XRCC4: variants seen among roughly 807,000 people sequenced by gnomAD.
XRCC4 encodes X-ray repair cross complementing 4.
A neutral mutation model predicts 39.1 loss-of-function variants in XRCC4; 28 were observed. That is an observed-to-expected ratio of 0.72 (90% CI 0.53 to 0.98). XRCC4 has a LOEUF of 0.98. Among genes scored for constraint, XRCC4 ranks in the 50% least tolerant of loss-of-function variants. XRCC4 has a pLI of 0.00. For synonymous variants in XRCC4, 123 were observed against 126.4 expected (o/e 0.97, Z 0.18); for missense variants, 350 against 376.4 (o/e 0.93, Z 0.58).
At chr5:83,262,758 TA>T (rs1212942220) in intron 7 of XRCC4, among the ~76,000 whole-genome samples, 10 of 151,614 alleles carry the variant, frequency 6.6e-5, no homozygotes, top group African/African-American at 2.4e-4. Context: ...TTCAAGTGAA[TA>T]CTGGATGCCA....
chr5:83,113,623 CTTT>C (rs200720410), intron 3 of XRCC4, among the ~76,000 whole-genome samples: 4 of 144,062 alleles, frequency 2.8e-5, no homozygotes. Context: ...ACATTTCTTT[CTTT>C]TTTTTTTTTT....
At chr5:83,240,408 G>A (rs1156665853) in intron 6 of XRCC4, among the ~76,000 whole-genome samples, 1 of 152,110 alleles carries the variant, frequency 6.6e-6, no homozygotes, top group Non-Finnish European at 1.5e-5. Context: ...GCGATGACCT[G>A]AACTAAAACA....
chr5:83,321,050 C>T (rs1756055591), intron 7 of XRCC4, among the ~76,000 whole-genome samples: 1 of 152,070 alleles, frequency 6.6e-6, no homozygotes, highest in African/African-American at 2.4e-5. Flanking sequence ...ACCCTGTGAT[C>T]TGCCCGCCTC....
At chr5:83,194,177 C>T (rs1750838254) in intron 3 of XRCC4, among the ~76,000 whole-genome samples, 1 of 152,196 alleles carries the variant, frequency 6.6e-6, no homozygotes, top group Non-Finnish European at 1.5e-5. Flanking sequence ...CTCCTGACCT[C>T]AGATGAACTC....
At position 83,096,009 on chromosome 5, in the gene XRCC4, A is replaced by G. The variant is rs561922698; in HGVS notation, c.-10-8901A>G. Among the ~76,000 whole-genome samples the G allele has an allele frequency of 8.6e-4, 130 of 151,714 alleles. No individual in the cohort carries two copies. In the Middle Eastern group the frequency reaches 0.01, roughly 12 times the overall value. On this transcript the variant is annotated intron_variant, in intron 1 of 7. Coordinates refer to ENST00000396027, the MANE Select transcript of XRCC4 (RefSeq NM_003401.5). Reference sequence around the variant, plus strand: ...TACACGAATCCCAGAAGTTCTTTGCATAGGTGGGATAGTTCCCTTACTGTG... The same window carrying G: ...TACACGAATCCCAGAAGTTCTTTGCGTAGGTGGGATAGTTCCCTTACTGTG...
At chr5:83,325,485 T>C (rs1009856698) in intron 7 of XRCC4, among the ~76,000 whole-genome samples, 2 of 151,898 alleles carry the variant, frequency 1.3e-5, no homozygotes, top group African/African-American at 4.8e-5. Flanking sequence ...ACAGGCCCCA[T>C]TGTGTGTGTT....
intron 7 of XRCC4, among the ~76,000 whole-genome samples, chr5:83,345,413 T>C (rs1756889262): frequency 6.6e-6 from 1 of 152,166 alleles, no homozygotes; most frequent in South Asian, 2.1e-4. Flanking sequence ...AAAAATTGAA[T>C]TGTATATGTG....
rs547434047 is a variant in XRCC4, at chr5:83,133,331, G to T, written c.315+22128G>T. On this transcript the variant is annotated intron_variant, in intron 3 of 7. Coordinates refer to ENST00000396027, the MANE Select transcript of XRCC4 (RefSeq NM_003401.5). ...GGTGCCTCCCAGTTAGGCTACTCGGGCGTCAGGGACCCACTTGAGGAGGCA... is the reference window on the plus strand; with the variant it reads ...GGTGCCTCCCAGTTAGGCTACTCGGTCGTCAGGGACCCACTTGAGGAGGCA... Among the ~76,000 whole-genome samples the T allele has an allele frequency of 2.6e-5, 4 of 152,290 alleles. No homozygotes were observed. In the South Asian group the frequency reaches 8.3e-4, roughly 32 times the overall value.
the XRCC4 span, among the ~76,000 whole-genome samples, chr5:83,373,713 A>T: frequency 2.0e-5 from 3 of 151,954 alleles, no homozygotes; most frequent in South Asian, 2.1e-4. Flanking sequence ...CTTTTTCTCT[A>T]TTTTTTTTAA....
intron 7 of XRCC4, among the ~76,000 whole-genome samples, chr5:83,302,004 C>T (rs1221299764): frequency 4.0e-5 from 6 of 151,874 alleles, no homozygotes; most frequent in African/African-American, 1.5e-4. Context: ...CTTTGTTTAC[C>T]CTGTGAGGGG....
intron 6 of XRCC4, among the ~76,000 whole-genome samples, chr5:83,247,345 G>T (rs11960296): frequency 0.016 from 2,434 of 152,134 alleles, 62 homozygotes; most frequent in African/African-American, 0.055. Flanking sequence ...GAACTGGGCC[G>T]CACAGCAGTC....
intron 3 of XRCC4, among the ~76,000 whole-genome samples, chr5:83,157,734 A>T (rs1580306603): frequency 6.6e-6 from 1 of 152,104 alleles, no homozygotes; most frequent in Admixed American, 6.6e-5. Flanking sequence ...TCCAGGAAGT[A>T]AAATTAAAAT....
At chr5:83,192,211 A>G (rs1343836035) in intron 3 of XRCC4, among the ~76,000 whole-genome samples, 1 of 146,344 alleles carries the variant, frequency 6.8e-6, no homozygotes, top group African/African-American at 2.5e-5. Flanking sequence ...CGTATATATT[A>G]TATATGTATA....
chr5:83,266,713 T>C (rs535058632), intron 7 of XRCC4, among the ~76,000 whole-genome samples: 2 of 152,268 alleles, frequency 1.3e-5, no homozygotes, highest in South Asian at 4.1e-4. Flanking sequence ...ACAATAACTT[T>C]GTTTCTAAAC....
rs550773308 is a variant in XRCC4, at chr5:83,104,999, C to T, written c.80C>T (p.Thr27Ile). ...TTTCTACAAGTATCTTGGGAGAAAA[C>T]ACTGGAATCTGGTTTTGTTATTACA... The part of the protein sequence containing the change: ...THFLQVSWEK[T>I]LESGFVITLT... Residue 27 changes from threonine to isoleucine, a missense_variant, in exon 2 of 8, where the codon ACA becomes ATA. Physicochemically the swap from Thr to Ile is moderately conservative, Grantham distance 89. Coordinates refer to ENST00000396027, the MANE Select transcript of XRCC4 (RefSeq NM_003401.5). The T allele has an allele frequency of 1.5e-5, 25 of 1,613,514 alleles. No individual in the cohort carries two copies. The Admixed American group carries it at 3.2e-4, about 20-fold the overall frequency.
chr5:83,204,847 A>G lies in XRCC4; in HGVS notation c.671A>G (p.Asp224Gly), dbSNP rs1347664669. The G allele has an allele frequency of 1.9e-6, 3 of 1,612,238 alleles. No homozygotes were observed. The highest frequency in any genetic ancestry group is 2.5e-6 in the Non-Finnish European group (3 of 1,178,708). ...ETAICSEMTA[D>G]RDPVYDESTD... ...GCAATCTGTTCTGAAATGACTGCTG[A>G]CCGAGATCCAGTCTATGATGAGAGT... is the stretch of plus-strand genomic sequence containing the variant. The change falls in exon 6 of 8, where the codon GAC (aspartate) becomes GGC (glycine). Residue 224 changes from aspartate to glycine, a missense_variant. Coordinates refer to ENST00000396027, the MANE Select transcript of XRCC4 (RefSeq NM_003401.5).
chr5:83,296,001 G>T (rs1755082230), intron 7 of XRCC4, among the ~76,000 whole-genome samples: 1 of 152,056 alleles, frequency 6.6e-6, no homozygotes, highest in African/African-American at 2.4e-5. Flanking sequence ...GATGAGAGAT[G>T]AAAGGGATAC....
chr5:83,078,017 T>C (rs1744749149), intron 1 of XRCC4, among the ~76,000 whole-genome samples: 1 of 152,156 alleles, frequency 6.6e-6, no homozygotes, highest in African/African-American at 2.4e-5. Context: ...ATTGGTAAAC[T>C]GTGGGTTCCA....
At chr5:83,144,687 T>C (rs374540108) in intron 3 of XRCC4, among the ~76,000 whole-genome samples, 37 of 152,010 alleles carry the variant, frequency 2.4e-4, no homozygotes, top group African/African-American at 8.4e-4. Flanking sequence ...TTCCTTTTCT[T>C]CTAAGACTTT....
Sources: gnomAD v4.1 joint callset for allele counts (sites outside exome capture counted in the v4.1 genomes callset) on GRCh38, gnomAD v4.1.1 for gene constraint, MANE v1.5 for transcripts, NCBI Gene and HGNC (gene_info 2026-07-23, HGNC 2026-07-21) for gene names.